Variants in HOMER1 observed in about 807,000 individuals in gnomAD.
The protein encoded by HOMER1 is homer scaffold protein 1.
Under a neutral mutation model 48.9 loss-of-function variants are expected in HOMER1, and 3 were observed. That is an observed-to-expected ratio of 0.06 (90% CI 0.03 to 0.16). HOMER1 has a LOEUF of 0.16. Among genes scored for constraint, HOMER1 ranks in the 10% least tolerant of loss-of-function variants. The pLI is 1.00. For synonymous variants in HOMER1, 134 were observed against 146.4 expected, an observed-to-expected ratio of 0.92 and a Z score of 0.61; for missense variants, 247 against 411.4, an observed-to-expected ratio of 0.60 and a Z score of 3.46.
intron 5 of HOMER1, among the ~76,000 whole-genome samples, chr5:79,424,705 A>G (rs1187272056): frequency 6.6e-6 from 1 of 152,052 alleles, no homozygotes; most frequent in Admixed American, 6.6e-5. Context: ...AAAACTGGCT[A>G]TATTTTTAAA....
chr5:79,508,721 C>T (rs1263353901), intron 1 of HOMER1, among the ~76,000 whole-genome samples: 1 of 152,160 alleles, frequency 6.6e-6, no homozygotes. Context: ...TTTATCCTTC[C>T]CTCAGCAGCT....
chr5:79,470,246 T>A (rs544401965), intron 1 of HOMER1, among the ~76,000 whole-genome samples: 1 of 152,306 alleles, frequency 6.6e-6, no homozygotes, highest in Admixed American at 6.5e-5. Flanking sequence ...ATCAATCTAC[T>A]GGTCAACAAG....
At chr5:79,438,046 G>C (rs1471091399) in intron 5 of HOMER1, among the ~76,000 whole-genome samples, 1 of 152,052 alleles carries the variant, frequency 6.6e-6, no homozygotes, top group Non-Finnish European at 1.5e-5. Flanking sequence ...CCTCTACTAA[G>C]GGCATTTAAT....
chr5:79,492,053 C>A (rs1752292978), intron 1 of HOMER1, among the ~76,000 whole-genome samples: 1 of 152,270 alleles, frequency 6.6e-6, no homozygotes, highest in South Asian at 2.1e-4. Context: ...CTTTTGTGGC[C>A]TAAATCCCTT....
intron 1 of HOMER1, among the ~76,000 whole-genome samples, chr5:79,484,932 G>C (rs1752055242): frequency 2.6e-5 from 4 of 151,866 alleles, no homozygotes; most frequent in Admixed American, 2.0e-4. Flanking sequence ...TCAAGGTTTT[G>C]AAAAAGTATT....
intron 8 of HOMER1, among the ~76,000 whole-genome samples, chr5:79,388,608 C>T (rs1186422366): frequency 1.3e-5 from 2 of 151,836 alleles, no homozygotes; most frequent in Non-Finnish European, 2.9e-5. Flanking sequence ...TATTGAAAAA[C>T]TTAGAATAGA....
chr5:79,444,794 T>C (rs1750831762), intron 4 of HOMER1, among the ~76,000 whole-genome samples: 1 of 152,244 alleles, frequency 6.6e-6, no homozygotes, highest in South Asian at 2.1e-4. Flanking sequence ...CCAGAGGAAC[T>C]AGAGCTCCCA....
At chr5:79,456,323 G>C (rs1220718057) in intron 2 of HOMER1, among the ~76,000 whole-genome samples, 1 of 152,204 alleles carries the variant, frequency 6.6e-6, no homozygotes, top group Non-Finnish European at 1.5e-5. Flanking sequence ...ACACTCAGTA[G>C]ATGGTGGAGT....
chr5:79,391,145 T>C (rs1297682704), intron 8 of HOMER1, among the ~76,000 whole-genome samples: 3 of 148,468 alleles, frequency 2.0e-5, no homozygotes, highest in Admixed American at 6.7e-5. Flanking sequence ...TTTTTTTGTT[T>C]TTTTTTTTTT....
rs985121217 is a variant in HOMER1, at chr5:79,376,140, G to A, written c.934C>T (p.Leu312=). The stretch of plus-strand genomic sequence containing the variant: ...TCTTGTTCATTCTGACTTTTCTCCA[G>A]ACGTTGCTCTAAGTCAGACAGTTGT... ...EGQLSDLEQR[L]EKSQNEQEAF... Residue 312 remains leucine, a synonymous_variant, in exon 9 of 9, where the codon CTG becomes TTG. Coordinates refer to ENST00000334082, the MANE Select transcript of HOMER1 (RefSeq NM_004272.5). 46 of 1,613,648 alleles carry A rather than the reference G, an allele frequency of 2.9e-5. No homozygotes were observed. The highest frequency in any genetic ancestry group is 3.4e-5 in the Non-Finnish European group (40 of 1,179,814).
chr5:79,390,429 T>C (rs1043829802), intron 8 of HOMER1, among the ~76,000 whole-genome samples: 8 of 152,182 alleles, frequency 5.3e-5, no homozygotes, highest in African/African-American at 1.9e-4. Context: ...AAGACCATTT[T>C]AAATATCAAG....
At chr5:79,377,114 C>T (rs1022134603) in intron 8 of HOMER1, among the ~76,000 whole-genome samples, 6 of 152,074 alleles carry the variant, frequency 3.9e-5, no homozygotes, top group African/African-American at 1.4e-4. Flanking sequence ...TACAGGCACA[C>T]GCCACCACAC....
chr5:79,450,910 A>G (rs56828952), intron 3 of HOMER1, 80 bp downstream of exon 3: 1 of 1,334,370 alleles, frequency 7.5e-7, no homozygotes. Flanking sequence ...TATATTTTAT[A>G]CTCTCCATTT....
At chr5:79,468,918 G>C (rs1400248095) in intron 1 of HOMER1, among the ~76,000 whole-genome samples, 1 of 152,138 alleles carries the variant, frequency 6.6e-6, no homozygotes, top group Non-Finnish European at 1.5e-5. Flanking sequence ...GAGAGCTTAA[G>C]CAGCTATTCA....
rs1752999163 is a variant in HOMER1, at chr5:79,513,451, A to C, written c.-677T>G. The C allele has an allele frequency of 6.6e-6, 1 of 152,470 alleles. No individual in the cohort carries two copies. Among genetic ancestry groups the C allele is most frequent in the Non-Finnish European group, 1.5e-5 (1 of 68,236 alleles). The allele number at this position is 152,470 out of a possible 1,614,324, so 9.4% of individuals were successfully genotyped here. Reference sequence around the variant, plus strand: ...AGAAGAGGTGGGGAGGACGAAGAGAAGGCTAGGCAGGATCGATTCATTCTC... The same window carrying C: ...AGAAGAGGTGGGGAGGACGAAGAGACGGCTAGGCAGGATCGATTCATTCTC... On this transcript the variant is annotated 5_prime_UTR_variant, in exon 1 of 9. Coordinates refer to ENST00000334082, the MANE Select transcript of HOMER1 (RefSeq NM_004272.5).
chr5:79,492,179 T>C (rs1752295932), intron 1 of HOMER1, among the ~76,000 whole-genome samples: 2 of 152,230 alleles, frequency 1.3e-5, no homozygotes, highest in Non-Finnish European at 2.9e-5. Context: ...TTTTAACTAC[T>C]TCTGTCATTT....
intron 6 of HOMER1, among the ~76,000 whole-genome samples, chr5:79,400,390 T>C (rs547825396): frequency 2.2e-4 from 34 of 151,550 alleles, no homozygotes; most frequent in African/African-American, 7.5e-4. Flanking sequence ...GGCCTTGCTC[T>C]GTTACCCAAG....
chr5:79,431,940 T>C (rs1415512733), intron 5 of HOMER1, among the ~76,000 whole-genome samples: 1 of 152,230 alleles, frequency 6.6e-6, no homozygotes, highest in Non-Finnish European at 1.5e-5. Context: ...AGATTTCTTT[T>C]AAAGATGTAG....
chr5:79,398,404 G>A (rs1749448604), intron 6 of HOMER1, among the ~76,000 whole-genome samples: 1 of 151,888 alleles, frequency 6.6e-6, no homozygotes, highest in Non-Finnish European at 1.5e-5. Flanking sequence ...CTAGAAGATA[G>A]TAAATTCTAG....
Sources: gnomAD v4.1 joint callset for allele counts (sites outside exome capture counted in the v4.1 genomes callset) on GRCh38, gnomAD v4.1.1 for gene constraint, MANE v1.5 for transcripts, NCBI Gene and HGNC (gene_info 2026-07-23, HGNC 2026-07-21) for gene names.